The following RANBP2 variants were observed in gnomAD, a reference collection of about 807,000 sequenced individuals.
RANBP2 encodes E3 SUMO-protein ligase RanBP2.
In RANBP2, 57 loss-of-function variants were observed where a neutral mutation model predicts 303.6. The ratio of observed to expected loss-of-function variants is 0.19; its 90% CI spans 0.15 to 0.23. The LOEUF is 0.23. Among genes scored for constraint, RANBP2 ranks in the 10% least tolerant of loss-of-function variants. The pLI is 1.00. For missense variants in RANBP2, 3,138 were observed against 3,780.8 expected (o/e 0.83, Z 4.46); for synonymous variants, 1,167 against 1,301.5 (o/e 0.90, Z 2.23).
At chr2:108,951,856 G>A in the RANBP2 span, among the ~76,000 whole-genome samples, 4 of 152,034 alleles carry the variant, frequency 2.6e-5, no homozygotes, top group Admixed American at 1.3e-4. Context: ...CAATTAATTC[G>A]GCAGACATTA....
chr2:108,754,706 A>T (rs1676160168), intron 15 of RANBP2, among the ~76,000 whole-genome samples, 199 bp from the exon 16 acceptor site: 1 of 151,960 alleles, frequency 6.6e-6, no homozygotes, highest in Non-Finnish European at 1.5e-5. Flanking sequence ...AATATAATAA[A>T]GGCAAAAAAT....
At chr2:109,730,664 T>C in the RANBP2 span, among the ~76,000 whole-genome samples, 1 of 151,968 alleles carries the variant, frequency 6.6e-6, no homozygotes, top group African/African-American at 2.4e-5. Flanking sequence ...GAGATCAAGA[T>C]GCCAGCATGG....
the RANBP2 span, among the ~76,000 whole-genome samples, chr2:108,843,844 T>TTGTGTGTGTGTGTGTGTGTGTG: frequency 2.2e-4 from 5 of 22,802 alleles, no homozygotes; most frequent in East Asian, 2.3e-3. Flanking sequence ...AGTTCATGTT[T>TTGTGTGTGTGTGTGTGTGTGTG]TGTGTGTGTG....
chr2:108,893,737 C>CAAAG, the RANBP2 span, among the ~76,000 whole-genome samples: 107 of 152,282 alleles, frequency 7.0e-4, no homozygotes, highest in African/African-American at 2.4e-3. Flanking sequence ...TAAACACACA[C>CAAAG]AAAGACTCCT....
chr2:108,992,904 GTAACCTCACAGGGC>G, the RANBP2 span, among the ~76,000 whole-genome samples: 1 of 152,154 alleles, frequency 6.6e-6, no homozygotes, highest in Non-Finnish European at 1.5e-5. Context: ...TCTGTCAGTG[GTAACCTCACAGGGC>G]TCTGCCCTCC....
At chr2:109,319,359 T>G in the RANBP2 span, among the ~76,000 whole-genome samples, 4 of 152,236 alleles carry the variant, frequency 2.6e-5, no homozygotes, top group African/African-American at 9.6e-5. Context: ...AGAGACAATG[T>G]CCTGAGCTGT....
chr2:109,413,410 G>C, the RANBP2 span, among the ~76,000 whole-genome samples: 7 of 152,174 alleles, frequency 4.6e-5, no homozygotes, highest in Middle Eastern at 3.2e-3. Context: ...CACCACCCCA[G>C]GCCTGTCTGG....
the RANBP2 span, among the ~76,000 whole-genome samples, chr2:108,969,384 G>T: frequency 6.6e-6 from 1 of 152,148 alleles, no homozygotes; most frequent in Non-Finnish European, 1.5e-5. Flanking sequence ...TCGGATGGTT[G>T]TATCTCCGGT....
At chr2:109,006,640 C>A in the RANBP2 span, among the ~76,000 whole-genome samples, 1 of 152,104 alleles carries the variant, frequency 6.6e-6, no homozygotes, top group African/African-American at 2.4e-5. Flanking sequence ...GCTGTGTGTA[C>A]CCTGGGAACA....
At chr2:109,504,471 G>A in the RANBP2 span, 9 of 152,030 alleles carry the variant, frequency 5.9e-5, no homozygotes, top group African/African-American at 2.2e-4. Context: ...CCGACTGGGA[G>A]ATCCTTTGTA....
intron 7 of RANBP2, among the ~76,000 whole-genome samples, chr2:108,746,171 G>A (rs1450098134): frequency 6.7e-6 from 1 of 149,344 alleles, no homozygotes; most frequent in African/African-American, 2.5e-5. Flanking sequence ...GCCTTCCAAA[G>A]TGCTGGGATT....
At chr2:108,937,149 G>A in the RANBP2 span, among the ~76,000 whole-genome samples, 17 of 152,340 alleles carry the variant, frequency 1.1e-4, no homozygotes, top group Admixed American at 6.5e-4. Context: ...GCACACTGGC[G>A]GGCCCCAGAG....
the RANBP2 span, among the ~76,000 whole-genome samples, chr2:109,763,356 G>A: frequency 6.7e-6 from 1 of 150,178 alleles, no homozygotes. Flanking sequence ...GGGAAGATAG[G>A]GTAACCTGCC....
chr2:109,611,953 A>G, the RANBP2 span, among the ~76,000 whole-genome samples: 1 of 152,182 alleles, frequency 6.6e-6, no homozygotes, highest in Admixed American at 6.5e-5. Flanking sequence ...TGCAACTACC[A>G]TATGACCCAA....
intron 22 of RANBP2, 77 bp from the exon 23 acceptor site, chr2:108,772,791 A>T: frequency 6.8e-7 from 1 of 1,473,002 alleles, no homozygotes; most frequent in Non-Finnish European, 9.4e-7. Flanking sequence ...TCTGTGGATT[A>T]TGTTGATGAC....
the RANBP2 span, among the ~76,000 whole-genome samples, chr2:109,055,755 T>C: frequency 8.2e-6 from 1 of 121,402 alleles, no homozygotes; most frequent in Admixed American, 1.2e-4. Context: ...GTGACAGCTC[T>C]AACATTTTTT....
At chr2:108,892,880 A>T in the RANBP2 span, among the ~76,000 whole-genome samples, 1 of 152,134 alleles carries the variant, frequency 6.6e-6, no homozygotes, top group South Asian at 2.1e-4. Context: ...TCTCTTGGAT[A>T]ATGTATTCAA....
the RANBP2 span, among the ~76,000 whole-genome samples, chr2:109,118,318 G>A: frequency 1.3e-5 from 2 of 152,036 alleles, no homozygotes; most frequent in Non-Finnish European, 2.9e-5. Flanking sequence ...TTCTGGGTGT[G>A]TAAGAACAGG....
chr2:109,215,946 A>G, the RANBP2 span, among the ~76,000 whole-genome samples: 400 of 152,310 alleles, frequency 2.6e-3, 2 homozygotes, highest in African/African-American at 9.3e-3. Flanking sequence ...GCCAGCGGCC[A>G]CGTGAGCTGG....
Sources: allele counts gnomAD v4.1 joint callset (sites outside exome capture counted in the v4.1 genomes callset), GRCh38; gene constraint gnomAD v4.1.1; transcripts MANE v1.5; gene names NCBI Gene and HGNC (gene_info 2026-07-23, HGNC 2026-07-21).